The following GARRE1 variants were observed in gnomAD, a reference collection of about 807,000 sequenced individuals.
GARRE1 encodes the protein granule associated Rac and RHOG effector 1.
Under a neutral mutation model 103.2 loss-of-function variants are expected in GARRE1, and 49 were observed. The observed-to-expected ratio is 0.47, with a 90% confidence interval of 0.38 to 0.60. GARRE1 has a LOEUF of 0.60. GARRE1 is among the 20% of genes least tolerant of loss of function. The pLI is 0.00. For missense variants in GARRE1, 1,199 were observed against 1,370.5 expected (o/e 0.87, Z 1.98); for synonymous variants, 505 against 532.8 (o/e 0.95, Z 0.72).
At chr19:34,271,852 C>CA (rs1162321202) in intron 1 of GARRE1, among the ~76,000 whole-genome samples, 1 of 148,364 alleles carries the variant, frequency 6.7e-6, no homozygotes, top group East Asian at 1.9e-4. Context: ...AAAACAAAAA[C>CA]AAAAAAACTA....
At chr19:34,306,303 T>C (rs921819340) in intron 2 of GARRE1, among the ~76,000 whole-genome samples, 1 of 152,092 alleles carries the variant, frequency 6.6e-6, no homozygotes, top group Non-Finnish European at 1.5e-5. Context: ...GATTCGAGAG[T>C]ATTCAAATAT....
In GARRE1 at chr19:34,300,666, C is replaced by T; in HGVS notation, c.193C>T (p.His65Tyr). ...TCTGACCGCTGCAGGCAGCTGCCAC[C>T]ATGCCATGCCCCACACTACTCCTAT... ...GSLTAAGSCHHAMPHTTPIAD... is the reference protein window; with the variant it reads ...GSLTAAGSCHYAMPHTTPIAD... Residue 65 changes from histidine (H) to tyrosine (Y), a missense_variant, in exon 2 of 14, where the codon CAT becomes TAT. His to Tyr is a moderately conservative substitution (Grantham distance 83, BLOSUM62 2). Coordinates refer to ENST00000299505, the MANE Select transcript of GARRE1 (RefSeq NM_014686.5). 6.2e-7 allele frequency: 1 copy of T among 1,613,996 alleles called. No individual in the cohort carries two copies. The highest frequency in any genetic ancestry group is 8.5e-7 in the Non-Finnish European group (1 of 1,180,018).
At chr19:34,324,506 T>G (rs1401882568) in intron 3 of GARRE1, among the ~76,000 whole-genome samples, 1 of 149,480 alleles carries the variant, frequency 6.7e-6, no homozygotes, top group African/African-American at 2.5e-5. Context: ...CAGTGCACTT[T>G]TTTTTTTTTT....
chr19:34,301,398 C>A lies in GARRE1; in HGVS notation c.495+430C>A, dbSNP rs573071183. ...TCTACATCCAGAAGCCCTGACTACT[C>A]CAGAAGCCCAGAAGCTGAGGTGGGA... On this transcript the variant is annotated intron_variant, in intron 2 of 13. Coordinates refer to ENST00000299505, the MANE Select transcript of GARRE1 (RefSeq NM_014686.5). 5.3e-5 allele frequency among the ~76,000 whole-genome samples: 8 copies of A among 151,840 alleles called. No homozygotes were observed. The East Asian group carries it at 9.7e-4, about 18-fold the overall frequency.
At chr19:34,293,380 A>G (rs1414194491) in intron 1 of GARRE1, among the ~76,000 whole-genome samples, 1 of 150,326 alleles carries the variant, frequency 6.7e-6, no homozygotes, top group African/African-American at 2.4e-5. Context: ...TTGATTCACC[A>G]GATGTAATTG....
chr19:34,295,959 A>G (rs1401012569), intron 1 of GARRE1, among the ~76,000 whole-genome samples: 1 of 152,166 alleles, frequency 6.6e-6, no homozygotes, highest in Non-Finnish European at 1.5e-5. Context: ...CCTGGTCTAA[A>G]ATCAGTTGAC....
At chr19:34,269,247 C>T (rs1004424746) in intron 1 of GARRE1, among the ~76,000 whole-genome samples, 1 of 152,186 alleles carries the variant, frequency 6.6e-6, no homozygotes, top group Non-Finnish European at 1.5e-5. Context: ...TCATGGATCA[C>T]CACGTGGAAG....
intron 10 of GARRE1, among the ~76,000 whole-genome samples, chr19:34,345,865 T>C (rs1358137004): frequency 6.6e-6 from 1 of 152,242 alleles, no homozygotes; most frequent in African/African-American, 2.4e-5. Context: ...TGTTATCATA[T>C]TTGACCTCTG....
rs2074078199 is a variant in GARRE1 at position 34,320,029 on chromosome 19, G to A, written c.618G>A (p.Lys206=). 6.2e-7 allele frequency: 1 copy of A among 1,614,136 alleles called. No homozygotes were observed. Among genetic ancestry groups the A allele is most frequent in the Non-Finnish European group, 8.5e-7 (1 of 1,180,028 alleles). ...CFAEVIVPEK[K]NSGSGGGLSG... is the part of the protein sequence containing the mutation. ...CTGAGGTCATCGTGCCAGAAAAAAA[G>A]AACAGCGGCAGTGGCGGCGGCTTAT... The change falls in exon 3 of 14, where the codon AAG becomes AAA. Residue 206 remains lysine, a synonymous_variant. Coordinates refer to ENST00000299505, the MANE Select transcript of GARRE1 (RefSeq NM_014686.5).
Position 34,327,493 on chromosome 19 carries a change from T to A in GARRE1, c.778T>A (p.Ser260Thr). 6.2e-7 allele frequency: 1 copy of A among 1,614,110 alleles called. No homozygotes were observed. The highest frequency in any genetic ancestry group is 8.5e-7 in the Non-Finnish European group (1 of 1,180,004). The change falls in exon 4 of 14, where the codon TCT becomes ACT. Residue 260 changes from serine to threonine, a missense_variant. Physicochemically the swap from Ser to Thr is moderately conservative, Grantham distance 58. Coordinates refer to ENST00000299505, the MANE Select transcript of GARRE1 (RefSeq NM_014686.5). ...AATTGAAGTTCAACAACTCTTTTGT[T>A]CTCAAAGTGCAGCAATTCCTGAGCA... ...AGIEVQQLFCSQSAAIPEHQL... is the reference protein window; with the variant it reads ...AGIEVQQLFCTQSAAIPEHQL...
chr19:34,305,746 A>C (rs1599765493), intron 2 of GARRE1, among the ~76,000 whole-genome samples: 1 of 152,188 alleles, frequency 6.6e-6, no homozygotes, highest in African/African-American at 2.4e-5. Flanking sequence ...ACTGGCATTG[A>C]CCACTGAAGC....
chr19:34,351,311 C>T (rs974071171), intron 12 of GARRE1, among the ~76,000 whole-genome samples: 3 of 152,158 alleles, frequency 2.0e-5, no homozygotes. Flanking sequence ...ACCCCCAGCT[C>T]CTCCACCTGC....
chr19:34,333,687 T>TC lies in GARRE1; in HGVS notation c.1264-17_1264-16insC. On this transcript the variant is annotated splice_polypyrimidine_tract_variant and intron_variant, in intron 7 of 13. Transcript: ENST00000299505. ...AGCTGGTTGTTATTTGTTTTTTTTT[T>TC]TTTTTTTCGATCTTAGGTGGTGGTT... is the stretch of plus-strand genomic sequence containing the variant. 1 of 1,291,288 alleles carries TC rather than the reference T, an allele frequency of 7.7e-7. No individual in the cohort carries two copies. The highest frequency in any genetic ancestry group is 1.3e-5 in the South Asian group (1 of 78,034). The allele number at this position is 1,291,288 out of a possible 1,614,324, so 80.0% of individuals were successfully genotyped here. A position where few individuals can be genotyped will look rare whatever the true frequency, so the allele number is the denominator to read the frequency against.
chr19:34,322,894 T>C (rs1453598246), intron 3 of GARRE1, among the ~76,000 whole-genome samples: 2 of 152,032 alleles, frequency 1.3e-5, no homozygotes, highest in Admixed American at 6.6e-5. Context: ...GGCCAAAAGA[T>C]AATTTTTTTA....
chr19:34,313,535 A>C (rs2074046362), intron 2 of GARRE1, among the ~76,000 whole-genome samples: 1 of 152,206 alleles, frequency 6.6e-6, no homozygotes, highest in Non-Finnish European at 1.5e-5. Context: ...AGTGCGACAG[A>C]GCGGCCTCAC....
intron 3 of GARRE1, 47 bp downstream of exon 3, chr19:34,320,163 G>A: frequency 6.7e-7 from 1 of 1,493,502 alleles, no homozygotes; most frequent in Non-Finnish European, 9.3e-7. Flanking sequence ...AAATAGGAGA[G>A]GCTCCAGAGG....
At chr19:34,269,562 G>A (rs2073773995) in intron 1 of GARRE1, among the ~76,000 whole-genome samples, 1 of 151,922 alleles carries the variant, frequency 6.6e-6, no homozygotes, top group Admixed American at 6.6e-5. Flanking sequence ...TTCTATTTAT[G>A]TATTTATTTA....
intron 10 of GARRE1, among the ~76,000 whole-genome samples, chr19:34,346,739 C>T (rs1478127203): frequency 2.6e-5 from 4 of 152,142 alleles, no homozygotes; most frequent in Non-Finnish European, 4.4e-5. Context: ...GTCTCAGCCT[C>T]CTGAGTAGCT....
chr19:34,305,994 C>A (rs2074005972), intron 2 of GARRE1, among the ~76,000 whole-genome samples: 2 of 152,156 alleles, frequency 1.3e-5, no homozygotes, highest in Admixed American at 6.5e-5. Context: ...CAAGCATAGG[C>A]CCGCAGACTT....
Sources: allele counts gnomAD v4.1 joint callset (sites outside exome capture counted in the v4.1 genomes callset), GRCh38; gene constraint gnomAD v4.1.1; transcripts MANE v1.5; gene names NCBI Gene and HGNC (gene_info 2026-07-23, HGNC 2026-07-21).